The following GALK2 variants were observed in gnomAD, a reference collection of about 807,000 sequenced individuals.
GALK2 encodes galactokinase 2.
GALK2 carries 36 observed loss-of-function variants against 52.4 expected under a neutral mutation model. That is an observed-to-expected ratio of 0.69 (90% confidence interval 0.53 to 0.91). GALK2 has a LOEUF of 0.91. Among genes scored for constraint, GALK2 ranks in the 40% least tolerant of loss-of-function variants. The probability of loss-of-function intolerance (pLI) is 0.00; values close to 1 mark genes in which losing one functional copy is unlikely to be tolerated. For missense variants in GALK2, 579 were observed against 559.1 expected, an observed-to-expected ratio of 1.04 and a Z score of -0.36; for synonymous variants, 176 against 199.1, an observed-to-expected ratio of 0.88 and a Z score of 0.98.
intron 1 of GALK2, chr15:49,170,648 C>G: frequency 2.4e-6 from 1 of 424,298 alleles, no homozygotes; most frequent in Admixed American, 3.6e-5. Flanking sequence ...TGTACTCTTT[C>G]TACTGGGCTT....
Position 49,211,330 on chromosome 15 carries a change from C to A in GALK2, c.143-5860C>A, listed in dbSNP as rs372274954. Among the ~76,000 whole-genome samples, 9 of 152,312 alleles carry A rather than the reference C, an allele frequency of 5.9e-5. No individual in the cohort carries two copies. The East Asian group carries it at 1.7e-3, about 29-fold the overall frequency. On this transcript the variant is annotated intron_variant, in intron 2 of 9. Transcript: ENST00000560031. ...GTATTTTCATCTGAGACCTCTTTAG[C>A]TGGGACTTCATTGTTCATATTATTA...
intron 9 of GALK2, among the ~76,000 whole-genome samples, chr15:49,321,876 G>A (rs2036898964): frequency 6.6e-6 from 1 of 152,192 alleles, no homozygotes; most frequent in Non-Finnish European, 1.5e-5. Context: ...TGTTGTCATA[G>A]TTTCCAGCAT....
At chr15:49,338,636 G>A (rs1378559814) in intron 3 of GALK2, among the ~76,000 whole-genome samples, 1 of 152,076 alleles carries the variant, frequency 6.6e-6, no homozygotes, top group Non-Finnish European at 1.5e-5. Context: ...GTATCTTTGT[G>A]GTGTTCTCTG....
At chr15:49,281,586 G>T (rs2032706585) in intron 5 of GALK2, among the ~76,000 whole-genome samples, 1 of 152,130 alleles carries the variant, frequency 6.6e-6, no homozygotes, top group African/African-American at 2.4e-5. Context: ...TTTGGTTATG[G>T]GTAGACTGTG....
At chr15:49,318,649 A>C (rs2036620614) in intron 8 of GALK2, among the ~76,000 whole-genome samples, 1 of 152,186 alleles carries the variant, frequency 6.6e-6, no homozygotes, top group Admixed American at 6.5e-5. Flanking sequence ...ATATAGGTAC[A>C]TATATAAACA....
intron 1 of GALK2, among the ~76,000 whole-genome samples, chr15:49,163,357 G>T (rs1308952935): frequency 1.3e-5 from 2 of 152,142 alleles, no homozygotes; most frequent in African/African-American, 4.8e-5. Context: ...CTGTTGAGTT[G>T]TAAGAGTTCT....
intron 3 of GALK2, among the ~76,000 whole-genome samples, chr15:49,232,407 G>C (rs1244269487): frequency 6.6e-6 from 1 of 152,182 alleles, no homozygotes; most frequent in Non-Finnish European, 1.5e-5. Context: ...ACATGCCTGT[G>C]ATGGAAGGAA....
intron 8 of GALK2, among the ~76,000 whole-genome samples, chr15:49,308,921 C>T (rs752921265): frequency 6.6e-6 from 1 of 152,224 alleles, no homozygotes; most frequent in Non-Finnish European, 1.5e-5. Context: ...GGCCCCTTTT[C>T]CATCTCAGGG....
Position 49,329,184 on chromosome 15 carries a change from G to A in GALK2, c.*1025G>A. The A allele has an allele frequency of 1.0e-6, 1 of 986,728 alleles. No homozygotes were observed. The highest frequency in any genetic ancestry group is 1.2e-6 in the Non-Finnish European group (1 of 830,862). 61.1% of individuals were successfully genotyped at this position (986,728 alleles called of 1,614,324 possible). ...CAGGTATGTGGGTGAAAGTGACTAT[G>A]AAAAGACTTAATGAATTCTGGGATT... On this transcript the variant is annotated 3_prime_UTR_variant, in exon 10 of 10. Coordinates refer to ENST00000560031, the MANE Select transcript of GALK2 (RefSeq NM_002044.4).
chr15:49,363,634 G>A (rs1355248375), intron 3 of GALK2, among the ~76,000 whole-genome samples: 12 of 152,080 alleles, frequency 7.9e-5, no homozygotes, highest in Admixed American at 7.2e-4. Flanking sequence ...TTGTCTGATT[G>A]CTCTGGCCAG....
chr15:49,301,642 A>G (rs1376589525), intron 8 of GALK2, among the ~76,000 whole-genome samples: 1 of 152,192 alleles, frequency 6.6e-6, no homozygotes, highest in Admixed American at 6.5e-5. Context: ...GCTTAAAAAA[A>G]AAAAGGAATT....
intron 3 of GALK2, among the ~76,000 whole-genome samples, chr15:49,354,465 G>A (rs200897806): frequency 0.022 from 3,363 of 151,638 alleles, 100 homozygotes; most frequent in South Asian, 0.075. Flanking sequence ...TTCCCTTTCC[G>A]AGTCAAAGAA....
At chr15:49,335,297 A>G (rs992387805), downstream of GALK2, 4 of 633,814 alleles carry the variant, frequency 6.3e-6, no homozygotes, top group East Asian at 2.8e-5. Context: ...CTCTGAGTCT[A>G]TAAGATGCTC....
downstream of GALK2, among the ~76,000 whole-genome samples, chr15:49,333,921 A>G (rs1356809185): frequency 5.3e-5 from 8 of 152,226 alleles, 1 homozygote; most frequent in Admixed American, 4.6e-4. Context: ...AACTAGCCCA[A>G]TAGAGACCAG....
At chr15:49,252,137 AGCACC>A (rs1360801969) in intron 5 of GALK2, among the ~76,000 whole-genome samples, 2 of 152,054 alleles carry the variant, frequency 1.3e-5, no homozygotes, top group African/African-American at 4.8e-5. Context: ...TATGATGGTG[AGCACC>A]TGTAATCCCA....
downstream of GALK2, among the ~76,000 whole-genome samples, chr15:49,332,107 AC>A (rs2038898210): frequency 6.7e-6 from 1 of 148,574 alleles, no homozygotes; most frequent in African/African-American, 2.6e-5. Context: ...ACACACACAC[AC>A]ACACACACAC....
chr15:49,248,350 A>G (rs145341756), intron 5 of GALK2, among the ~76,000 whole-genome samples: 1,549 of 152,356 alleles, frequency 0.01, 12 homozygotes, highest in Non-Finnish European at 0.016. Flanking sequence ...TTAGAATAAC[A>G]AAACCTCATC....
chr15:49,177,850 C>T (rs1479408666), intron 1 of GALK2: 2 of 241,120 alleles, frequency 8.3e-6, no homozygotes, highest in South Asian at 5.5e-5. Flanking sequence ...TGAATCTTCA[C>T]CGAAGTGAGA....
At chr15:49,237,105 T>C (rs16962159) in intron 4 of GALK2, among the ~76,000 whole-genome samples, 2,626 of 152,310 alleles carry the variant, frequency 0.017, 93 homozygotes, top group African/African-American at 0.061. Context: ...TAATCTTCCT[T>C]GTAACAACAT....
Sources: allele counts gnomAD v4.1 joint callset (sites outside exome capture counted in the v4.1 genomes callset), GRCh38; gene constraint gnomAD v4.1.1; transcripts MANE v1.5; gene names NCBI Gene and HGNC (gene_info 2026-07-23, HGNC 2026-07-21).